COL25A1: variants seen among roughly 807,000 people sequenced by gnomAD.
The protein encoded by COL25A1 is collagen alpha-1(XXV) chain.
A neutral mutation model predicts 128.4 loss-of-function variants in COL25A1; 103 were observed. The ratio of observed to expected loss-of-function variants is 0.80; its 90% CI spans 0.68 to 0.94. The LOEUF is 0.94. Ranked by LOEUF, COL25A1 falls within the 40% of genes least tolerant of loss-of-function variation. The probability of loss-of-function intolerance (pLI) is 0.00; values close to 1 mark genes in which losing one functional copy is unlikely to be tolerated. For synonymous variants in COL25A1, 279 were observed against 277.2 expected, an observed-to-expected ratio of 1.01 and a Z score of -0.06; for missense variants, 745 against 840.0, an observed-to-expected ratio of 0.89 and a Z score of 1.40.
chr4:108,825,191 C>T lies in COL25A1; in HGVS notation c.1791+5G>A. 3.1e-6 allele frequency: 5 copies of T among 1,606,284 alleles called. No homozygotes were observed. The highest frequency in any genetic ancestry group is 4.3e-6 in the Non-Finnish European group (5 of 1,173,184). ...AGGATGATGTTTATTGTACTTATTA[C>T]TTACATCAAGACCAGGCTCTCCATC... On this transcript the variant is annotated splice_donor_5th_base_variant and intron_variant, in intron 34 of 37. Coordinates refer to ENST00000399132, the MANE Select transcript of COL25A1 (RefSeq NM_198721.4).
At chr4:109,120,822 A>AC (rs11401576) in intron 3 of COL25A1, among the ~76,000 whole-genome samples, 66,930 of 151,684 alleles carry the variant, frequency 0.44, 17,098 homozygotes, top group African/African-American at 0.71. Context: ...AAAGAAAAAA[A>AC]AAAAAATTCA....
At chr4:109,291,809 A>T (rs1209475638) in intron 3 of COL25A1, among the ~76,000 whole-genome samples, 1 of 152,114 alleles carries the variant, frequency 6.6e-6, no homozygotes, top group African/African-American at 2.4e-5. Flanking sequence ...GGATGAAGTG[A>T]GATGTAGATT....
intron 3 of COL25A1, among the ~76,000 whole-genome samples, chr4:109,276,728 A>G (rs1722888219): frequency 6.6e-6 from 1 of 152,164 alleles, no homozygotes; most frequent in Non-Finnish European, 1.5e-5. Flanking sequence ...CAATTCTTGA[A>G]TTCTCTCAAT....
intron 6 of COL25A1, among the ~76,000 whole-genome samples, chr4:108,997,516 C>A (rs949592757): frequency 6.6e-6 from 1 of 152,058 alleles, no homozygotes; most frequent in African/African-American, 2.4e-5. Flanking sequence ...CAAGACCAGA[C>A]GAATTCACAG....
At chr4:109,110,248 T>C (rs1766876192) in intron 3 of COL25A1, among the ~76,000 whole-genome samples, 1 of 152,160 alleles carries the variant, frequency 6.6e-6, no homozygotes, top group African/African-American at 2.4e-5. Context: ...TGATTTGTGA[T>C]CTGTACCCAG....
intron 5 of COL25A1, among the ~76,000 whole-genome samples, chr4:109,010,692 G>C (rs1042975087): frequency 1.3e-5 from 2 of 152,170 alleles, no homozygotes; most frequent in African/African-American, 4.8e-5. Flanking sequence ...CTGTGATGAA[G>C]GGGTTACTTA....
intron 3 of COL25A1, among the ~76,000 whole-genome samples, chr4:109,294,671 T>C (rs1724806090): frequency 6.6e-6 from 1 of 152,148 alleles, no homozygotes; most frequent in African/African-American, 2.4e-5. Flanking sequence ...ACTCATACAT[T>C]GTTTTCACAT....
intron 20 of COL25A1, among the ~76,000 whole-genome samples, chr4:108,867,676 C>A (rs1738099946): frequency 6.6e-6 from 1 of 152,112 alleles, no homozygotes; most frequent in African/African-American, 2.4e-5. Flanking sequence ...TGGAAATCAT[C>A]CCTGGCTTAT....
intron 22 of COL25A1, 27 bp downstream of exon 22, chr4:108,862,474 T>C (rs765760385): frequency 6.3e-7 from 1 of 1,577,792 alleles, no homozygotes; most frequent in Admixed American, 1.7e-5. Context: ...CCTCATGTTA[T>C]ATTTAAATGG....
chr4:108,820,004 T>A (rs900035495), intron 35 of COL25A1: 1 of 438,262 alleles, frequency 2.3e-6, no homozygotes, highest in Non-Finnish European at 3.8e-6. Flanking sequence ...CATTTACCAC[T>A]GTTTTCTGAT....
chr4:108,846,109 A>G, intron 28 of COL25A1, 30 bp downstream of exon 28: 2 of 1,392,926 alleles, frequency 1.4e-6, no homozygotes, highest in South Asian at 1.2e-5. Context: ...TAATATAAAA[A>G]GTATAAACAA....
intron 3 of COL25A1, among the ~76,000 whole-genome samples, chr4:109,173,074 C>T (rs1326418526): frequency 3.3e-5 from 5 of 152,086 alleles, no homozygotes; most frequent in African/African-American, 1.2e-4. Flanking sequence ...AGAAACCATA[C>T]TTTAAGGTGT....
At chr4:108,938,305 T>C (rs1747677799) in intron 10 of COL25A1, among the ~76,000 whole-genome samples, 1 of 152,274 alleles carries the variant, frequency 6.6e-6, no homozygotes, top group African/African-American at 2.4e-5. Context: ...TATAGAATTA[T>C]ATTTTATTGT....
chr4:108,870,640 G>A (rs1191779928), intron 19 of COL25A1, among the ~76,000 whole-genome samples: 1 of 152,102 alleles, frequency 6.6e-6, no homozygotes, highest in Admixed American at 6.6e-5. Context: ...AATCAATGGC[G>A]ATTATTCTAC....
chr4:109,023,934 T>C (rs919801426), intron 5 of COL25A1, among the ~76,000 whole-genome samples: 1 of 152,206 alleles, frequency 6.6e-6, no homozygotes, highest in African/African-American at 2.4e-5. Context: ...AAGATGTCCA[T>C]CATCCAGCAA....
intron 24 of COL25A1, among the ~76,000 whole-genome samples, chr4:108,853,580 A>G (rs1736093175): frequency 6.6e-6 from 1 of 152,106 alleles, no homozygotes; most frequent in Non-Finnish European, 1.5e-5. Flanking sequence ...CATTTGTTAC[A>G]TAGGTATACA....
chr4:109,196,306 T>C (rs897022737), intron 3 of COL25A1, among the ~76,000 whole-genome samples: 7 of 152,172 alleles, frequency 4.6e-5, no homozygotes, highest in Non-Finnish European at 8.8e-5. Context: ...AAGTTTGGTA[T>C]CTAAACAAAA....
chr4:109,298,288 C>T (rs1725185242), intron 3 of COL25A1, among the ~76,000 whole-genome samples: 1 of 152,062 alleles, frequency 6.6e-6, no homozygotes, highest in South Asian at 2.1e-4. Flanking sequence ...CTATGATTAC[C>T]CTTAGAGCCT....
chr4:109,204,719 C>T lies in COL25A1; in HGVS notation c.367+95864G>A, dbSNP rs80117024. On this transcript the variant is annotated intron_variant, in intron 3 of 37. Coordinates refer to ENST00000399132, the MANE Select transcript of COL25A1 (RefSeq NM_198721.4). The stretch of plus-strand genomic sequence containing the variant: ...GATTTGATATTGTCTATCCTGCAAA[C>T]GAAAACATTTTTTAAGGTATTTGAA... Among the ~76,000 whole-genome samples, 1,636 of 152,034 alleles carry T rather than the reference C, an allele frequency of 0.011. 60 individuals carry two copies. In the South Asian group the frequency reaches 0.14, roughly 13 times the overall value.
Sources: gnomAD v4.1 joint callset for allele counts (sites outside exome capture counted in the v4.1 genomes callset) on GRCh38, gnomAD v4.1.1 for gene constraint, MANE v1.5 for transcripts, NCBI Gene and HGNC (gene_info 2026-07-23, HGNC 2026-07-21) for gene names.